The following DAGLA variants were observed in gnomAD, a reference collection of about 807,000 sequenced individuals.
DAGLA encodes the protein diacylglycerol lipase alpha, also known as diacylglycerol lipase-alpha.
DAGLA carries 22 observed loss-of-function variants against 102.6 expected under a neutral mutation model. The ratio of observed to expected loss-of-function variants is 0.21; its 90% CI spans 0.15 to 0.31. DAGLA has a LOEUF of 0.31. DAGLA is among the 10% of genes least tolerant of loss of function. The pLI, the probability that DAGLA is intolerant of heterozygous loss-of-function variation, is 1.00. For missense variants in DAGLA, 927 were observed against 1,446.6 expected (o/e 0.64, Z 5.83); for synonymous variants, 578 against 628.9 (o/e 0.92, Z 1.21).
chr11:61,741,043 C>T (rs2065474140), intron 18 of DAGLA, 119 bp from the exon 19 acceptor site: 4 of 956,524 alleles, frequency 4.2e-6, no homozygotes, highest in African/African-American at 1.6e-5. Flanking sequence ...AGAGTGGGAC[C>T]CAAGTGACTC....
Position 61,722,959 on chromosome 11 carries a change from C to T in DAGLA, c.408C>T (p.Leu136=), listed in dbSNP as rs747365475. 59 of 1,611,370 alleles carry T rather than the reference C, an allele frequency of 3.7e-5. 1 individual carries two copies. The highest frequency in any genetic ancestry group is 1.2e-4 in the Admixed American group (7 of 60,000). Residue 136 remains leucine (L), a splice_region_variant and synonymous_variant, in exon 4 of 20, where the codon CTC becomes CTT. Transcript: ENST00000257215. The part of the protein sequence containing the change: ...CNDLTAKNVT[L]GMVVCNWVVI... ...ACCTCACTGCCAAGAATGTCACCCT[C>T]GGTACGTCTGGGTGAGGCCTGCTGG...
intron 3 of DAGLA, among the ~76,000 whole-genome samples, chr11:61,721,887 G>A (rs1369542932): frequency 6.6e-6 from 1 of 152,236 alleles, no homozygotes; most frequent in African/African-American, 2.4e-5. Flanking sequence ...GTCGGAGCTG[G>A]GATTTGAACC....
intron 1 of DAGLA, among the ~76,000 whole-genome samples, chr11:61,715,945 G>C (rs198434): frequency 7.0e-4 from 106 of 152,182 alleles, no homozygotes; most frequent in African/African-American, 2.4e-3. Flanking sequence ...TAGCCAGAGG[G>C]GGGGGAGAGG....
chr11:61,733,931 C>T (rs201971705), intron 9 of DAGLA, among the ~76,000 whole-genome samples: 1 of 83,116 alleles, frequency 1.2e-5, no homozygotes, highest in African/African-American at 4.1e-5. Flanking sequence ...TGAACAGAGG[C>T]CCAGAGGAGC....
intron 5 of DAGLA, 46 bp from the exon 6 acceptor site, chr11:61,725,949 G>A: frequency 6.4e-7 from 1 of 1,556,710 alleles, no homozygotes; most frequent in Non-Finnish European, 8.8e-7. Context: ...CAGCTCTTCT[G>A]GTCCAGCCCT....
intron 3 of DAGLA, among the ~76,000 whole-genome samples, chr11:61,721,776 C>A (rs1254432416): frequency 6.6e-6 from 1 of 152,228 alleles, no homozygotes; most frequent in Non-Finnish European, 1.5e-5. Flanking sequence ...GGCCCTTTTT[C>A]CTGTGTTAAC....
At chr11:61,732,342 T>C (rs2135595513) in intron 9 of DAGLA, among the ~76,000 whole-genome samples, 1 of 152,300 alleles carries the variant, frequency 6.6e-6, no homozygotes, top group South Asian at 2.1e-4. Flanking sequence ...CTCCAGCGAC[T>C]GATCAGAGAG....
At chr11:61,741,714 C>T (rs1489068454) in intron 19 of DAGLA, among the ~76,000 whole-genome samples, 2 of 151,366 alleles carry the variant, frequency 1.3e-5, no homozygotes, top group Non-Finnish European at 2.9e-5. Flanking sequence ...CAGGTTCAAG[C>T]GATTATCCTG....
chr11:61,705,015 G>A lies in DAGLA; in HGVS notation c.-44-15097G>A, dbSNP rs534685332. Among the ~76,000 whole-genome samples the A allele has an allele frequency of 1.1e-4, 16 of 151,916 alleles. 1 individual carries two copies. Among genetic ancestry groups the A allele is most frequent in the African/African-American group, 3.9e-4 (16 of 41,224 alleles). ...GCCGTGCCCGGGCTCGCCTGAGCTC[G>A]GGACTGGGCTGAGCTGAGACTGGGG... On this transcript the variant is annotated intron_variant, in intron 1 of 19. Transcript: ENST00000257215.
intron 2 of DAGLA, 23 bp downstream of exon 2, chr11:61,720,273 A>G (rs1236624721): frequency 6.2e-7 from 1 of 1,602,894 alleles, no homozygotes; most frequent in African/African-American, 1.3e-5. Context: ...GCCCGGGGCC[A>G]CAGGCCTGGG....
intron 1 of DAGLA, among the ~76,000 whole-genome samples, chr11:61,715,064 G>A (rs910403361): frequency 1.3e-5 from 2 of 152,316 alleles, no homozygotes; most frequent in African/African-American, 4.8e-5. Context: ...GCACAGAGAG[G>A]TTAAGTACCT....
Position 61,743,942 on chromosome 11 carries a change from G to C in DAGLA, c.2582G>C (p.Gly861Ala), listed in dbSNP as rs981810055. ...ACGCAGCCCCTGGAGGCGGCCCTGG[G>C]CAGTGGCGGCGTCACTCCTGAGCGG... is the stretch of plus-strand genomic sequence containing the variant. ...QDTQPLEAAL[G>A]SGGVTPERPP... The change falls in exon 20 of 20, where the codon GGC becomes GCC. Residue 861 changes from glycine to alanine, a missense_variant. Coordinates refer to ENST00000257215, the MANE Select transcript of DAGLA (RefSeq NM_006133.3). 6 of 1,611,862 alleles carry C rather than the reference G, an allele frequency of 3.7e-6. No individual in the cohort carries two copies. The Admixed American group carries it at 6.7e-5, about 18-fold the overall frequency.
chr11:61,698,576 ACCTGCTTCCCTGGGGAAGCTCACTCTTAC>A (rs1020083604), intron 1 of DAGLA, among the ~76,000 whole-genome samples: 1 of 152,130 alleles, frequency 6.6e-6, no homozygotes, highest in Non-Finnish European at 1.5e-5. Context: ...CTCGTACCCC[ACCTGCTTCCCTGGGGAAGCTCACTCTTAC>A]CCTGCTTCCC....
chr11:61,681,311 G>A (rs1216631771), intron 1 of DAGLA, among the ~76,000 whole-genome samples: 1 of 152,142 alleles, frequency 6.6e-6, no homozygotes, highest in African/African-American at 2.4e-5. Flanking sequence ...TCTACCACAA[G>A]GGCCCTGATG....
intron 1 of DAGLA, among the ~76,000 whole-genome samples, chr11:61,682,009 A>G (rs2064946630): frequency 6.6e-6 from 1 of 150,692 alleles, no homozygotes; most frequent in Admixed American, 6.7e-5. Flanking sequence ...TGGGGAAGGC[A>G]CTTATGAGTC....
At chr11:61,698,430 C>A (rs1223211838) in intron 1 of DAGLA, among the ~76,000 whole-genome samples, 1 of 152,242 alleles carries the variant, frequency 6.6e-6, no homozygotes, top group African/African-American at 2.4e-5. Flanking sequence ...ACTTCCCTTT[C>A]CTTTGCTCAC....
chr11:61,733,249 A>G (rs2065391285), intron 9 of DAGLA, among the ~76,000 whole-genome samples: 1 of 152,192 alleles, frequency 6.6e-6, no homozygotes, highest in South Asian at 2.1e-4. Context: ...TCCAAAGGCC[A>G]CACTGTTACA....
In DAGLA at chr11:61,744,439, C is replaced by T; in HGVS notation, c.3079C>T (p.His1027Tyr). Residue 1027 changes from histidine to tyrosine, a missense_variant, in exon 20 of 20, where the codon CAC becomes TAC. Coordinates refer to ENST00000257215, the MANE Select transcript of DAGLA (RefSeq NM_006133.3). Reference sequence around the variant, plus strand: ...GATCCGGACTTCTACCCCCACTGGCCACGGAGCCAGCCCCGCCAAGCAAGA... The same window carrying T: ...GATCCGGACTTCTACCCCCACTGGCTACGGAGCCAGCCCCGCCAAGCAAGA... ...DKIRTSTPTGHGASPAKQDEL... is the reference protein window; with the variant it reads ...DKIRTSTPTGYGASPAKQDEL... 1.3e-6 allele frequency: 2 copies of T among 1,598,626 alleles called. No individual in the cohort carries two copies. Among genetic ancestry groups the T allele is most frequent in the Non-Finnish European group, 1.7e-6 (2 of 1,170,546 alleles).
rs1389788852 is a variant in DAGLA, at chr11:61,746,491, G to T, written c.*2002G>T. The T allele has an allele frequency of 6.6e-6, 1 of 152,572 alleles. No homozygotes were observed. Among genetic ancestry groups the T allele is most frequent in the Non-Finnish European group, 1.5e-5 (1 of 68,062 alleles). The allele number at this position is 152,572 out of a possible 1,614,324, so 9.5% of individuals were successfully genotyped here. A position where few individuals can be genotyped will look rare whatever the true frequency, so the allele number is the denominator to read the frequency against. On this transcript the variant is annotated 3_prime_UTR_variant, in exon 20 of 20. Coordinates refer to ENST00000257215, the MANE Select transcript of DAGLA (RefSeq NM_006133.3). ...GTCCACCCCAGGACGAGCCATCAGG[G>T]ACAGACCCCCCACCCCCAAGGCTGC...
Sources: gnomAD v4.1 joint callset for allele counts (sites outside exome capture counted in the v4.1 genomes callset) on GRCh38, gnomAD v4.1.1 for gene constraint, MANE v1.5 for transcripts, NCBI Gene and HGNC (gene_info 2026-07-23, HGNC 2026-07-21) for gene names.